Variants in NEK11 observed in about 807,000 individuals in gnomAD.
The protein encoded by NEK11 is NIMA related kinase 11.
In NEK11, 72 loss-of-function variants were observed where a neutral mutation model predicts 80.7. The ratio of observed to expected loss-of-function variants is 0.89; its 90% CI spans 0.74 to 1.08. NEK11 has a LOEUF of 1.08. Ranked by LOEUF, NEK11 falls within the 50% of genes least tolerant of loss-of-function variation. The pLI, the probability that NEK11 is intolerant of heterozygous loss-of-function variation, is 0.00. For missense variants in NEK11, 764 were observed against 763.6 expected (o/e 1.00, Z -0.01); for synonymous variants, 251 against 260.7 (o/e 0.96, Z 0.36).
At position 131,278,762 on chromosome 3, in the gene NEK11, A is replaced by G. The variant is rs191231537; in HGVS notation, c.1718+5188A>G. On this transcript the variant is annotated intron_variant, in intron 17 of 17. Transcript: ENST00000383366. ...GTACATGAAGGGCCTGCTCTATCTA[A>G]ATGAATTATCCTCTTGGCCTCAGCT... Among the ~76,000 whole-genome samples the G allele has an allele frequency of 2.6e-5, 4 of 152,140 alleles. No homozygotes were observed. In the East Asian group the frequency reaches 7.8e-4, roughly 29 times the overall value.
intron 16 of NEK11, among the ~76,000 whole-genome samples, chr3:131,269,664 G>A (rs1443517233): frequency 1.3e-5 from 2 of 151,786 alleles, no homozygotes; most frequent in African/African-American, 4.8e-5. Context: ...GACTGGAGCT[G>A]TTCCTATTCG....
chr3:131,288,531 C>T (rs1487729295), intron 17 of NEK11, among the ~76,000 whole-genome samples: 1 of 148,910 alleles, frequency 6.7e-6, no homozygotes, highest in Non-Finnish European at 1.5e-5. Context: ...AGGCTCACCA[C>T]AGCCTCCGCC....
At chr3:131,144,482 A>G (rs1296843938) in intron 7 of NEK11, among the ~76,000 whole-genome samples, 3 of 152,182 alleles carry the variant, frequency 2.0e-5, no homozygotes, top group African/African-American at 7.2e-5. Context: ...AGAGTTTTAG[A>G]TGATTCCTAT....
At chr3:131,329,855 G>C (rs1423189712) in intron 17 of NEK11, 1 of 152,522 alleles carries the variant, frequency 6.6e-6, no homozygotes, top group Non-Finnish European at 1.5e-5. Flanking sequence ...AGGGGAGGAA[G>C]GTAGGCAATC....
chr3:131,043,233 A>G (rs759690703), intron 3 of NEK11, among the ~76,000 whole-genome samples: 1 of 152,252 alleles, frequency 6.6e-6, no homozygotes, highest in Non-Finnish European at 1.5e-5. Flanking sequence ...CCTCGCCAGC[A>G]AGAGAACAAA....
At chr3:131,234,888 G>T (rs2095405125) in intron 15 of NEK11, among the ~76,000 whole-genome samples, 2 of 151,802 alleles carry the variant, frequency 1.3e-5, no homozygotes, top group African/African-American at 4.8e-5. Context: ...GAGTTTGTGG[G>T]CTTTGTAGGA....
chr3:131,271,066 A>G (rs1301928295), intron 16 of NEK11, among the ~76,000 whole-genome samples: 1 of 152,182 alleles, frequency 6.6e-6, no homozygotes, highest in African/African-American at 2.4e-5. Context: ...GGGGAAAAGT[A>G]TCTGTCCTGG....
intron 14 of NEK11, among the ~76,000 whole-genome samples, chr3:131,175,433 C>T (rs868326930): frequency 6.6e-6 from 1 of 152,092 alleles, no homozygotes; most frequent in Non-Finnish European, 1.5e-5. Context: ...GAACACACAC[C>T]AATATATACA....
At chr3:131,268,699 T>A (rs375215350) in intron 16 of NEK11, among the ~76,000 whole-genome samples, 1 of 152,198 alleles carries the variant, frequency 6.6e-6, no homozygotes, top group Non-Finnish European at 1.5e-5. Flanking sequence ...TGTATTTGTC[T>A]GTCAACCCCT....
intron 17 of NEK11, among the ~76,000 whole-genome samples, chr3:131,291,824 T>C (rs2096546139): frequency 6.6e-6 from 1 of 152,194 alleles, no homozygotes; most frequent in African/African-American, 2.4e-5. Context: ...TAAGAGTTCT[T>C]TGTATATTTT....
chr3:131,322,714 C>T (rs1004140800), intron 17 of NEK11, among the ~76,000 whole-genome samples: 4 of 152,126 alleles, frequency 2.6e-5, no homozygotes, highest in Admixed American at 6.6e-5. Context: ...GGTGGGATCA[C>T]GTTTCCTTGA....
At chr3:131,036,539 A>T (rs2065675139) in intron 3 of NEK11, among the ~76,000 whole-genome samples, 1 of 152,240 alleles carries the variant, frequency 6.6e-6, no homozygotes, top group Non-Finnish European at 1.5e-5. Context: ...TGTGAAAGAA[A>T]AATCTTGGTT....
intron 15 of NEK11, among the ~76,000 whole-genome samples, chr3:131,239,475 A>G (rs768766823): frequency 6.6e-6 from 1 of 152,184 alleles, no homozygotes; most frequent in African/African-American, 2.4e-5. Flanking sequence ...CAAAGCATGC[A>G]TGCATCCATT....
At chr3:131,338,670 A>T (rs1335996803) in intron 17 of NEK11, among the ~76,000 whole-genome samples, 1 of 152,240 alleles carries the variant, frequency 6.6e-6, no homozygotes, top group Non-Finnish European at 1.5e-5. Flanking sequence ...AATAAAAGGA[A>T]CAAATTATAA....
At chr3:131,254,444 G>C (rs953064729) in intron 16 of NEK11, among the ~76,000 whole-genome samples, 1 of 152,176 alleles carries the variant, frequency 6.6e-6, no homozygotes, top group Non-Finnish European at 1.5e-5. Context: ...CAGAAGCCCT[G>C]ATGATTTCTC....
intron 16 of NEK11, among the ~76,000 whole-genome samples, chr3:131,250,867 A>T (rs148021771): frequency 6.6e-6 from 1 of 152,142 alleles, no homozygotes; most frequent in Non-Finnish European, 1.5e-5. Context: ...TGAAAAATCC[A>T]GGGCAATTAT....
At chr3:131,279,163 G>A (rs1169845674) in intron 17 of NEK11, among the ~76,000 whole-genome samples, 1 of 151,888 alleles carries the variant, frequency 6.6e-6, no homozygotes, top group Non-Finnish European at 1.5e-5. Flanking sequence ...CTGAGGTCAG[G>A]AGTTTGAGAC....
At chr3:131,161,281 C>T (rs914313951) in intron 10 of NEK11, among the ~76,000 whole-genome samples, 9 of 152,180 alleles carry the variant, frequency 5.9e-5, no homozygotes, top group Admixed American at 5.9e-4. Flanking sequence ...GTGGCGATTC[C>T]TTAAAGACCT....
intron 17 of NEK11, among the ~76,000 whole-genome samples, chr3:131,321,410 C>A (rs1278098277): frequency 1.3e-5 from 2 of 152,128 alleles, no homozygotes; most frequent in Admixed American, 1.3e-4. Context: ...TAGAAGAAAA[C>A]CTAGGAAACA....
Sources: gnomAD v4.1 joint callset for allele counts (sites outside exome capture counted in the v4.1 genomes callset) on GRCh38, gnomAD v4.1.1 for gene constraint, MANE v1.5 for transcripts, NCBI Gene and HGNC (gene_info 2026-07-23, HGNC 2026-07-21) for gene names.